OR9Q1: variants seen among roughly 807,000 people sequenced by gnomAD.
OR9Q1 encodes the protein olfactory receptor 9Q1.
For missense variants in OR9Q1, 374 were observed against 378.8 expected, an observed-to-expected ratio of 0.99 and a Z score of 0.11; for synonymous variants, 153 against 148.6, an observed-to-expected ratio of 1.03 and a Z score of -0.22.
At chr11:58,154,447 T>G (rs1854386621) in intron 2 of OR9Q1, among the ~76,000 whole-genome samples, 1 of 151,760 alleles carries the variant, frequency 6.6e-6, no homozygotes. Flanking sequence ...TGTTACTGTT[T>G]CCCAATCCAA....
intron 2 of OR9Q1, chr11:58,118,311 T>A (rs1345264790): frequency 1.9e-6 from 1 of 535,618 alleles, no homozygotes; most frequent in Non-Finnish European, 3.3e-6. Context: ...AAGAAGGGGA[T>A]AAGAAGAAAG....
chr11:58,151,078 T>C (rs1173138858), intron 2 of OR9Q1, among the ~76,000 whole-genome samples: 1 of 152,216 alleles, frequency 6.6e-6, no homozygotes, highest in Non-Finnish European at 1.5e-5. Context: ...TTTTAGTTCA[T>C]TTTTGTATGG....
At chr11:58,129,872 T>G (rs1229310556) in intron 2 of OR9Q1, among the ~76,000 whole-genome samples, 1 of 152,162 alleles carries the variant, frequency 6.6e-6, no homozygotes, top group Non-Finnish European at 1.5e-5. Context: ...TTTTTCAAAT[T>G]ATTTTTTGCT....
chr11:58,036,116 G>A (rs569985565), intron 1 of OR9Q1, among the ~76,000 whole-genome samples: 6 of 152,082 alleles, frequency 3.9e-5, no homozygotes, highest in Non-Finnish European at 7.4e-5. Flanking sequence ...TGATCTATGA[G>A]TAGTGATTTT....
intron 2 of OR9Q1, among the ~76,000 whole-genome samples, chr11:58,084,997 A>T (rs1470868886): frequency 6.6e-6 from 1 of 151,854 alleles, no homozygotes; most frequent in Non-Finnish European, 1.5e-5. Context: ...AGAAGAAGTA[A>T]AACTATCTCT....
intron 2 of OR9Q1, among the ~76,000 whole-genome samples, chr11:58,100,350 C>T (rs988444670): frequency 6.6e-6 from 1 of 152,158 alleles, no homozygotes; most frequent in Admixed American, 6.5e-5. Context: ...TAATTTTATA[C>T]CATTTCATGT....
chr11:58,179,023 A>AGAGAGAGAGAGG (rs1854633846), intron 2 of OR9Q1, among the ~76,000 whole-genome samples: 1 of 148,754 alleles, frequency 6.7e-6, no homozygotes, highest in South Asian at 2.1e-4. Context: ...AGAGAGAGAG[A>AGAGAGAGAGAGG]GAGAGAGAGA....
chr11:58,085,977 G>A (rs1853630203), intron 2 of OR9Q1, among the ~76,000 whole-genome samples: 1 of 151,872 alleles, frequency 6.6e-6, no homozygotes, highest in South Asian at 2.1e-4. Flanking sequence ...TTGCAGACTT[G>A]CTTGGCTACA....
At chr11:58,068,036 C>T (rs1868882) in intron 2 of OR9Q1, among the ~76,000 whole-genome samples, 18,284 of 152,038 alleles carry the variant, frequency 0.12, 1,760 homozygotes, top group Admixed American at 0.24. Flanking sequence ...GCCATGAGCT[C>T]CAATAAAGCC....
At position 58,180,079 on chromosome 11, in the gene OR9Q1, T is replaced by C. The variant is rs1565098799; in HGVS notation, c.635T>C (p.Val212Ala). The C allele has an allele frequency of 1.9e-5, 30 of 1,614,182 alleles. No individual in the cohort carries two copies. The highest frequency in any genetic ancestry group is 2.0e-5 in the Non-Finnish European group (24 of 1,180,018). The change falls in exon 3 of 3, where the codon GTG (valine) becomes GCG (alanine). Residue 212 changes from valine to alanine, a missense_variant. By Grantham distance (64) the Val-to-Ala change is moderately conservative. Coordinates refer to ENST00000335397, the MANE Select transcript of OR9Q1 (RefSeq NM_001005212.4). Reference sequence around the variant, plus strand: ...ATTTTTGTCATCCCTGCTTCCATGGTGGTGATCTTGGTGTCCTACCTGTTT... The same window carrying C: ...ATTTTTGTCATCCCTGCTTCCATGGCGGTGATCTTGGTGTCCTACCTGTTT... ...FAIFVIPASMVVILVSYLFII... is the reference protein window; with the variant it reads ...FAIFVIPASMAVILVSYLFII...
At chr11:58,024,835 C>T (rs922098516) in intron 1 of OR9Q1, among the ~76,000 whole-genome samples, 24 of 152,112 alleles carry the variant, frequency 1.6e-4, no homozygotes, top group Admixed American at 1.3e-3. Context: ...GGCGGGGCTC[C>T]GAGCTGCAGG....
At chr11:58,134,130 G>A (rs1854169364) in intron 2 of OR9Q1, among the ~76,000 whole-genome samples, 1 of 152,180 alleles carries the variant, frequency 6.6e-6, no homozygotes, top group South Asian at 2.1e-4. Flanking sequence ...AATTAAGGAG[G>A]CCTGATGTCC....
At chr11:58,175,397 C>T (rs1226915745) in intron 2 of OR9Q1, among the ~76,000 whole-genome samples, 1 of 152,008 alleles carries the variant, frequency 6.6e-6, no homozygotes, top group Non-Finnish European at 1.5e-5. Context: ...CATCATTCTC[C>T]CACTCTCTCT....
intron 2 of OR9Q1, among the ~76,000 whole-genome samples, chr11:58,177,008 G>A (rs544630417): frequency 1.3e-5 from 2 of 152,270 alleles, no homozygotes; most frequent in Non-Finnish European, 2.9e-5. Context: ...GGTTTTCTTG[G>A]TTCCTGCTCC....
At chr11:58,075,192 T>C (rs1853527705) in intron 2 of OR9Q1, among the ~76,000 whole-genome samples, 1 of 152,220 alleles carries the variant, frequency 6.6e-6, no homozygotes, top group Admixed American at 6.5e-5. Flanking sequence ...ATAAATTACC[T>C]TGGGCAGTAT....
chr11:58,034,769 T>TCCTTCCTTCCTTCCTTCCTC, intron 1 of OR9Q1, among the ~76,000 whole-genome samples: 1 of 19,622 alleles, frequency 5.1e-5, no homozygotes, highest in South Asian at 2.6e-3. Context: ...CTTCCTTCCT[T>TCCTTCCTTCCTTCCTTCCTC]CTTCCTTCCC....
intron 1 of OR9Q1, among the ~76,000 whole-genome samples, chr11:58,038,525 G>A (rs1263736267): frequency 2.0e-5 from 3 of 152,164 alleles, no homozygotes; most frequent in Non-Finnish European, 4.4e-5. Context: ...TATTAAGATG[G>A]AATTCAGTAA....
intron 2 of OR9Q1, among the ~76,000 whole-genome samples, chr11:58,099,105 G>A (rs933810625): frequency 4.6e-5 from 7 of 151,758 alleles, no homozygotes; most frequent in Admixed American, 1.3e-4. Flanking sequence ...ATCCATTTTG[G>A]TGAATATTCT....
At chr11:58,170,703 G>A (rs898486859) in intron 2 of OR9Q1, among the ~76,000 whole-genome samples, 1 of 152,046 alleles carries the variant, frequency 6.6e-6, no homozygotes, top group Non-Finnish European at 1.5e-5. Context: ...GTTTTATAAG[G>A]GGAAACTCCT....
Sources: allele counts gnomAD v4.1 joint callset (sites outside exome capture counted in the v4.1 genomes callset), GRCh38; gene constraint gnomAD v4.1.1; transcripts MANE v1.5; gene names NCBI Gene and HGNC (gene_info 2026-07-23, HGNC 2026-07-21).